DCP1A: variants seen among roughly 807,000 people sequenced by gnomAD.
The protein encoded by DCP1A is decapping mRNA 1A.
A neutral mutation model predicts 58.0 loss-of-function variants in DCP1A; 20 were observed. The observed-to-expected ratio is 0.34, with a 90% CI of 0.24 to 0.50. DCP1A has a LOEUF of 0.50. Among genes scored for constraint, DCP1A ranks in the 20% least tolerant of loss-of-function variants. DCP1A has a pLI of 0.98. For synonymous variants in DCP1A, 285 were observed against 275.1 expected (o/e 1.04, Z -0.36); for missense variants, 613 against 712.2 (o/e 0.86, Z 1.59).
chr3:53,311,711 A>C (rs782818966), intron 5 of DCP1A, among the ~76,000 whole-genome samples: 56 of 152,312 alleles, frequency 3.7e-4, no homozygotes, highest in Non-Finnish European at 7.8e-4. Context: ...TTCAAAGCCT[A>C]AACAAATTCC....
At chr3:53,320,780 C>A (rs1707941967) in intron 3 of DCP1A, among the ~76,000 whole-genome samples, 1 of 152,168 alleles carries the variant, frequency 6.6e-6, no homozygotes, top group South Asian at 2.1e-4. Context: ...TGCTCTGGCC[C>A]CTCCCGTCCC....
intron 6 of DCP1A, among the ~76,000 whole-genome samples, chr3:53,293,137 C>G (rs1706987782): frequency 6.6e-6 from 1 of 152,092 alleles, no homozygotes; most frequent in Admixed American, 6.5e-5. Flanking sequence ...CAACAACACA[C>G]AGGGAAATGA....
rs1308180499 is a variant in DCP1A at position 53,319,552 on chromosome 3, C to A, written c.305-79G>T. 8.1e-6 allele frequency: 7 copies of A among 860,544 alleles called. No individual in the cohort carries two copies. In the African/African-American group the frequency reaches 1.0e-4, roughly 12 times the overall value. 53.3% of individuals were successfully genotyped at this position (860,544 alleles called of 1,614,324 possible). On this transcript the variant is annotated intron_variant, in intron 3 of 9. Coordinates refer to ENST00000610213, the MANE Select transcript of DCP1A (RefSeq NM_018403.7). ...GTGTATGTAAATAATATATTATCAT[C>A]ATGGAATTCACTAAATGTACCATCA...
chr3:53,306,872 T>C (rs1553688116), intron 5 of DCP1A, among the ~76,000 whole-genome samples: 1 of 151,412 alleles, frequency 6.6e-6, no homozygotes, highest in African/African-American at 2.4e-5. Flanking sequence ...AAGCTATGAT[T>C]TTCTTTTGCT....
At chr3:53,290,397 G>A (rs537880148) in intron 8 of DCP1A, among the ~76,000 whole-genome samples, 5 of 149,652 alleles carry the variant, frequency 3.3e-5, no homozygotes, top group South Asian at 2.1e-4. Flanking sequence ...CACAAATACC[G>A]AGTAAGGGCC....
chr3:53,290,853 T>G lies in DCP1A; in HGVS notation c.1387A>C (p.Met463Leu), dbSNP rs376496649. The G allele has an allele frequency of 2.5e-6, 4 of 1,607,006 alleles. No individual in the cohort carries two copies. In the African/African-American group the frequency reaches 5.4e-5, roughly 22 times the overall value. ...ACTTCAGGATCCTGGTTCTGCTGCA[T>G]AGACTGAAATGTTTATGAAGAAAAG... ...SNMVLAPLQS[M>L]QQNQDPEVFV... The change falls in exon 8 of 10, where the codon ATG (methionine) becomes CTG (leucine). Residue 463 changes from methionine to leucine, a missense_variant. Coordinates refer to ENST00000610213, the MANE Select transcript of DCP1A (RefSeq NM_018403.7).
chr3:53,292,805 T>C lies in DCP1A; in HGVS notation c.647A>G (p.His216Arg), dbSNP rs913746501. 4 of 1,608,872 alleles carry C rather than the reference T, an allele frequency of 2.5e-6. No individual in the cohort carries two copies. Among genetic ancestry groups the C allele is most frequent in the Non-Finnish European group, 3.4e-6 (4 of 1,179,754 alleles). Residue 216 changes from histidine (H) to arginine (R), a missense_variant, in exon 7 of 10, where the codon CAT (histidine) becomes CGT (arginine). By Grantham distance (29) the His-to-Arg change is conservative. Coordinates refer to ENST00000610213, the MANE Select transcript of DCP1A (RefSeq NM_018403.7). Reference protein sequence around the residue: ...QDKSAPSGHKHLTVEELFGTS... With the variant: ...QDKSAPSGHKRLTVEELFGTS... ...TCCAAATAACTCTTCTACCGTCAGA[T>C]GCTTGTGTCCAGATGGAGCAGACTG...
At chr3:53,294,104 A>C (rs1449391951) in intron 6 of DCP1A, among the ~76,000 whole-genome samples, 2 of 152,242 alleles carry the variant, frequency 1.3e-5, no homozygotes, top group African/African-American at 2.4e-5. Flanking sequence ...TGACAGGGAA[A>C]GAGAGAAGAA....
chr3:53,290,498 G>A, intron 8 of DCP1A: 6 of 558,922 alleles, frequency 1.1e-5, no homozygotes, highest in Non-Finnish European at 1.9e-5. Context: ...CTGCCAGGAC[G>A]GGGTGGGAGA....
chr3:53,312,468 C>A, intron 4 of DCP1A, 89 bp from the exon 5 acceptor site: 23 of 993,006 alleles, frequency 2.3e-5, no homozygotes, highest in Non-Finnish European at 3.3e-5. Context: ...CAAGGATACA[C>A]TAAGAGTGTC....
chr3:53,323,067 G>T (rs556345774), intron 3 of DCP1A, among the ~76,000 whole-genome samples: 7 of 151,956 alleles, frequency 4.6e-5, no homozygotes, highest in Non-Finnish European at 1.0e-4. Flanking sequence ...CTCGTGATCC[G>T]CCCACCTCGG....
At position 53,287,536 on chromosome 3, in the gene DCP1A, G is replaced by A. The variant is rs1706683625; in HGVS notation, c.*44C>T. On this transcript the variant is annotated 3_prime_UTR_variant, in exon 10 of 10. Transcript: ENST00000610213. ...GAAGTTTCCATGATGAAGCCTATTTGTCTCTGAGGCTGGGGCTCTGCCTTT... is the reference window on the plus strand; with the variant it reads ...GAAGTTTCCATGATGAAGCCTATTTATCTCTGAGGCTGGGGCTCTGCCTTT... 1 of 1,361,434 alleles carries A rather than the reference G, an allele frequency of 7.3e-7. No homozygotes were observed. The highest frequency in any genetic ancestry group is 1.4e-5 in the African/African-American group (1 of 69,114). 84.3% of individuals were successfully genotyped at this position (1,361,434 alleles called of 1,614,324 possible).
intron 3 of DCP1A, among the ~76,000 whole-genome samples, chr3:53,331,958 T>A (rs1244693148): frequency 6.6e-6 from 1 of 152,200 alleles, no homozygotes; most frequent in Non-Finnish European, 1.5e-5. Flanking sequence ...TTGTGTTTCT[T>A]GACATTAATT....
rs1553689639 is a variant in DCP1A, at chr3:53,319,391, G to GTAATTTACT, written c.371+15_371+16insAGTAAATTA. ...CTCACATATCATCAGTTAAATTTAT[G>GTAATTTACT]GAGTAATATACTTACTCAGCCATGA... is the stretch of plus-strand genomic sequence containing the variant. On this transcript the variant is annotated intron_variant, in intron 4 of 9. Coordinates refer to ENST00000610213, the MANE Select transcript of DCP1A (RefSeq NM_018403.7). 6.9e-7 allele frequency: 1 copy of GTAATTTACT among 1,454,588 alleles called. No homozygotes were observed. The highest frequency in any genetic ancestry group is 9.4e-7 in the Non-Finnish European group (1 of 1,067,276). The allele number at this position is 1,454,588 out of a possible 1,614,324, so 90.1% of individuals were successfully genotyped here. A position where few individuals can be genotyped will look rare whatever the true frequency, so the allele number is the denominator to read the frequency against.
At chr3:53,314,392 C>T (rs1052246292) in intron 4 of DCP1A, among the ~76,000 whole-genome samples, 3 of 152,136 alleles carry the variant, frequency 2.0e-5, no homozygotes, top group African/African-American at 7.2e-5. Flanking sequence ...ACTTCTAAAA[C>T]AAATGTAGCA....
chr3:53,309,326 G>A (rs891559767), intron 5 of DCP1A, among the ~76,000 whole-genome samples: 5 of 150,574 alleles, frequency 3.3e-5, no homozygotes, highest in South Asian at 2.1e-4. Flanking sequence ...AGTCGAGATC[G>A]CGCCACTGCA....
At chr3:53,297,338 T>C (rs900349528) in intron 6 of DCP1A, among the ~76,000 whole-genome samples, 37 of 152,120 alleles carry the variant, frequency 2.4e-4, no homozygotes, top group Non-Finnish European at 1.0e-4. Flanking sequence ...AAAAAAAGTA[T>C]TGGAAAACAA....
At position 53,304,303 on chromosome 3, in the gene DCP1A, A is replaced by G; in HGVS notation, c.511-13T>C. 3.8e-6 allele frequency: 6 copies of G among 1,587,686 alleles called. No individual in the cohort carries two copies. The highest frequency in any genetic ancestry group is 5.2e-6 in the Non-Finnish European group (6 of 1,159,110). ...CACCCATCTGATTCTTTAAAAAGTTAAAAGAAAAAAATATATCTTGTGAAA... is the reference window on the plus strand; with the variant it reads ...CACCCATCTGATTCTTTAAAAAGTTGAAAGAAAAAAATATATCTTGTGAAA... On this transcript the variant is annotated splice_polypyrimidine_tract_variant and intron_variant, in intron 5 of 9. Coordinates refer to ENST00000610213, the MANE Select transcript of DCP1A (RefSeq NM_018403.7).
At chr3:53,345,538 T>C (rs1340872061) in intron 1 of DCP1A, among the ~76,000 whole-genome samples, 4 of 152,146 alleles carry the variant, frequency 2.6e-5, no homozygotes, top group Non-Finnish European at 5.9e-5. Flanking sequence ...TTTACCATAG[T>C]TCATTTTCTG....
Sources: gnomAD v4.1 joint callset for allele counts (sites outside exome capture counted in the v4.1 genomes callset) on GRCh38, gnomAD v4.1.1 for gene constraint, MANE v1.5 for transcripts, NCBI Gene and HGNC (gene_info 2026-07-23, HGNC 2026-07-21) for gene names.